Variants in DHX32 observed in about 807,000 individuals in gnomAD.
DHX32 encodes the protein DEAH-box helicase 32 (putative), also known as putative pre-mRNA-splicing factor ATP-dependent RNA helicase DHX32.
DHX32 carries 51 observed loss-of-function variants against 70.0 expected under a neutral mutation model. The observed-to-expected ratio is 0.73, with a 90% CI of 0.58 to 0.92. The LOEUF (loss-of-function observed/expected upper bound fraction) is 0.92, where lower values mean the gene tolerates loss of function less well. DHX32 is among the 40% of genes least tolerant of loss of function. The pLI, the probability that DHX32 is intolerant of heterozygous loss-of-function variation, is 0.00. For synonymous variants in DHX32, 310 were observed against 315.3 expected, an observed-to-expected ratio of 0.98 and a Z score of 0.18; for missense variants, 762 against 891.8, an observed-to-expected ratio of 0.85 and a Z score of 1.85.
At chr10:125,869,255 G>T (rs1435582680) in intron 1 of DHX32, 1 of 152,102 alleles carries the variant, frequency 6.6e-6, no homozygotes, top group Non-Finnish European at 1.5e-5. Flanking sequence ...CATGTGAAAA[G>T]CTATATTAAA....
chr10:125,873,668 C>T (rs1220495592), intron 1 of DHX32, among the ~76,000 whole-genome samples: 2 of 152,192 alleles, frequency 1.3e-5, no homozygotes, highest in Non-Finnish European at 2.9e-5. Flanking sequence ...CAACAACATT[C>T]CTGTAAAATG....
chr10:125,892,376 C>T (rs1944376666), intron 1 of DHX32, among the ~76,000 whole-genome samples: 1 of 152,420 alleles, frequency 6.6e-6, no homozygotes, highest in South Asian at 2.1e-4. Context: ...TGATCCTTTC[C>T]AAATGCAAAA....
intron 9 of DHX32, 63 bp downstream of exon 9, chr10:125,838,938 A>G (rs1415179511): frequency 1.4e-6 from 2 of 1,475,316 alleles, no homozygotes; most frequent in African/African-American, 2.8e-5. Context: ...CATTGTTGGC[A>G]GCATATCCTG....
At chr10:125,877,600 T>C (rs1226962432) in intron 1 of DHX32, among the ~76,000 whole-genome samples, 1 of 152,112 alleles carries the variant, frequency 6.6e-6, no homozygotes, top group Non-Finnish European at 1.5e-5. Flanking sequence ...GGCACAAGAA[T>C]TGCTTGAACC....
chr10:125,848,825 T>C (rs572428866), intron 6 of DHX32, among the ~76,000 whole-genome samples: 1 of 152,346 alleles, frequency 6.6e-6, no homozygotes, highest in African/African-American at 2.4e-5. Context: ...CTAAGGGGCA[T>C]GCATATGTTA....
chr10:125,867,457 C>T (rs1333782556), intron 1 of DHX32, among the ~76,000 whole-genome samples: 1 of 152,154 alleles, frequency 6.6e-6, no homozygotes, highest in Non-Finnish European at 1.5e-5. Context: ...CAAGGACAGG[C>T]CGGGTGTGGT....
intron 1 of DHX32, among the ~76,000 whole-genome samples, chr10:125,870,780 T>C (rs182498565): frequency 1.3e-5 from 2 of 152,156 alleles, no homozygotes; most frequent in African/African-American, 2.4e-5. Flanking sequence ...CAGGTTGCAG[T>C]GAGCTGAGAT....
Position 125,866,969 on chromosome 10 carries a change from G to T in DHX32, c.476+21C>A. ...AGCCAAGAATCATCAGCAGGGAGCG[G>T]ACTGAACCCCACAAACCAACCTCAG... On this transcript the variant is annotated intron_variant, in intron 2 of 10. Transcript: ENST00000284690. The surrounding 1 kb of genome is among the most constrained non-coding windows in gnomAD (Gnocchi z 4.8). 1.2e-6 allele frequency: 2 copies of T among 1,606,096 alleles called. No homozygotes were observed. The highest frequency in any genetic ancestry group is 1.1e-5 in the South Asian group (1 of 89,474).
chr10:125,836,884 T>G (rs1260551626), intron 10 of DHX32, 29 bp from the exon 11 acceptor site: 1 of 1,604,960 alleles, frequency 6.2e-7, no homozygotes, highest in Admixed American at 1.7e-5. Context: ...AAGATGAGAT[T>G]ATGAGTGGGG....
rs1317108325 is a variant in DHX32, at chr10:125,880,793, G to A, written c.32C>T (p.Ser11Phe). ...AGGAAAATAGCGTTTTTCAGAGGAAGAGTTTGGACACTCCAGCCCTTCTTC... is the reference window on the plus strand; with the variant it reads ...AGGAAAATAGCGTTTTTCAGAGGAAAAGTTTGGACACTCCAGCCCTTCTTC... MEEEGLECPN[S>F]SSEKRYFPES... The change falls in exon 1 of 11, where the codon TCT (serine) becomes TTT (phenylalanine). Residue 11 changes from serine to phenylalanine, a missense_variant. By Grantham distance (155) the Ser-to-Phe change is radical. Coordinates refer to ENST00000284690, the MANE Select transcript of DHX32 (RefSeq NM_018180.3). 4 of 1,614,138 alleles carry A rather than the reference G, an allele frequency of 2.5e-6. No individual in the cohort carries two copies. In the Admixed American group the frequency reaches 5.0e-5, roughly 20 times the overall value.
Position 125,859,845 on chromosome 10 carries a change from C to T in DHX32, c.607G>A (p.Asp203Asn), listed in dbSNP as rs1564828154. ...ATDVLLGLLK[D>N]VLLARPELKL... ...AGTTCTGGTCTTGCTAGTAAAACAT[C>T]TTTAAGAAGTCCAAGTAACACATCA... Residue 203 changes from aspartate to asparagine, a missense_variant, in exon 3 of 11, where the codon GAT becomes AAT. Asp to Asn is a conservative substitution (Grantham distance 23, BLOSUM62 1). Around this residue, in one of 3 missense-constraint regions of DHX32, gnomAD observed 394 missense variants for 473.1 expected, o/e 0.83. Transcript: ENST00000284690. 6.2e-7 allele frequency: 1 copy of T among 1,614,084 alleles called. No homozygotes were observed.
intron 1 of DHX32, among the ~76,000 whole-genome samples, chr10:125,888,374 T>C (rs1485224851): frequency 1.3e-5 from 2 of 152,146 alleles, no homozygotes; most frequent in Non-Finnish European, 2.9e-5. Context: ...GGCTAATTTT[T>C]ATTTTTTTAT....
chr10:125,884,924 CTCTT>C (rs1417007656), upstream of DHX32, among the ~76,000 whole-genome samples: 1 of 152,112 alleles, frequency 6.6e-6, no homozygotes, highest in Non-Finnish European at 1.5e-5. Flanking sequence ...TCCCCTTTCT[CTCTT>C]TAATAGGGCC....
chr10:125,850,958 A>T lies in DHX32; in HGVS notation c.1351+1335T>A, dbSNP rs751981906. Among the ~76,000 whole-genome samples the T allele has an allele frequency of 6.0e-4, 91 of 152,328 alleles. No homozygotes were observed. In the Middle Eastern group the frequency reaches 0.014, roughly 23 times the overall value. On this transcript the variant is annotated intron_variant, in intron 6 of 10. Coordinates refer to ENST00000284690, the MANE Select transcript of DHX32 (RefSeq NM_018180.3). Reference sequence around the variant, plus strand: ...CCACTGAAGTGGTCAGCTGGTCCTGAGGCCTCCTACCCCAATGGACAGTGA... The same window carrying T: ...CCACTGAAGTGGTCAGCTGGTCCTGTGGCCTCCTACCCCAATGGACAGTGA...
intron 6 of DHX32, among the ~76,000 whole-genome samples, chr10:125,849,377 A>G (rs1299413405): frequency 6.6e-6 from 1 of 152,100 alleles, no homozygotes; most frequent in Non-Finnish European, 1.5e-5. Flanking sequence ...CCTCTCCTGG[A>G]TTTTGTTTTC....
intron 7 of DHX32, 29 bp from the exon 8 acceptor site, chr10:125,841,025 G>C: frequency 1.3e-6 from 2 of 1,582,560 alleles, no homozygotes; most frequent in Non-Finnish European, 1.7e-6. Flanking sequence ...CACATGGTTA[G>C]CAATAATGAA....
chr10:125,860,855 A>G (rs1276330950), intron 2 of DHX32, among the ~76,000 whole-genome samples: 1 of 104,710 alleles, frequency 9.6e-6, no homozygotes, highest in Admixed American at 9.2e-5. Flanking sequence ...TCCCGGGTTC[A>G]CGCCATTCTG....
intron 6 of DHX32, among the ~76,000 whole-genome samples, chr10:125,848,046 A>G (rs1161864058): frequency 6.6e-6 from 1 of 152,228 alleles, no homozygotes; most frequent in African/African-American, 2.4e-5. Flanking sequence ...ATTTACATAA[A>G]TGGACAGAGA....
At chr10:125,843,367 T>G (rs967768224) in intron 6 of DHX32, among the ~76,000 whole-genome samples, 1 of 152,094 alleles carries the variant, frequency 6.6e-6, no homozygotes, top group Non-Finnish European at 1.5e-5. Context: ...AAACCTCACT[T>G]TGGGAGGCCG....
Sources: allele counts gnomAD v4.1 joint callset (sites outside exome capture counted in the v4.1 genomes callset), GRCh38; gene constraint gnomAD v4.1.1; regional missense constraint gnomAD v4.1.1; non-coding constraint Gnocchi (gnomAD v3.1); transcripts MANE v1.5; gene names NCBI Gene and HGNC (gene_info 2026-07-23, HGNC 2026-07-21).